The following PLPP4 variants were observed in gnomAD, a reference collection of about 807,000 sequenced individuals.
The protein encoded by PLPP4 is phospholipid phosphatase 4.
PLPP4 carries 20 observed loss-of-function variants against 32.2 expected under a neutral mutation model. The ratio of observed to expected loss-of-function variants is 0.62; its 90% confidence interval spans 0.44 to 0.90. The LOEUF (loss-of-function observed/expected upper bound fraction) is 0.90, where lower values mean the gene tolerates loss of function less well. PLPP4 is among the 40% of genes least tolerant of loss of function. The pLI, the probability that PLPP4 is intolerant of heterozygous loss-of-function variation, is 0.00. For synonymous variants in PLPP4, 127 were observed against 133.0 expected (o/e 0.95, Z 0.31); for missense variants, 257 against 353.1 (o/e 0.73, Z 2.18).
chr10:120,463,234 G>C (rs185390756), intron 1 of PLPP4, among the ~76,000 whole-genome samples: 4 of 151,994 alleles, frequency 2.6e-5, no homozygotes, highest in Admixed American at 2.6e-4. Flanking sequence ...CACCATGTTA[G>C]CCAGGATGGT....
chr10:120,535,563 GA>G (rs1413496861), intron 5 of PLPP4, among the ~76,000 whole-genome samples: 1 of 151,978 alleles, frequency 6.6e-6, no homozygotes, highest in African/African-American at 2.4e-5. Context: ...CTTCAACTAT[GA>G]TTGTAGATTT....
chr10:120,476,216 C>A (rs1391513578), intron 1 of PLPP4, among the ~76,000 whole-genome samples: 1 of 152,218 alleles, frequency 6.6e-6, no homozygotes, highest in African/African-American at 2.4e-5. Flanking sequence ...GCTGTGCCCC[C>A]TGTGCAGGCC....
chr10:120,467,901 C>T lies in PLPP4; in HGVS notation c.56+10540C>T, dbSNP rs540302572. ...CTTTTCCTCCTCCCACCCACTCACC[C>T]GCTTCTAGTAGGCCTCAGTGTCTGT... On this transcript the variant is annotated intron_variant, in intron 1 of 6. Transcript: ENST00000398250. Among the ~76,000 whole-genome samples, 9 of 64,050 alleles carry T rather than the reference C, an allele frequency of 1.4e-4. 4 individuals are homozygous for T. The highest frequency in any genetic ancestry group is 3.0e-4 in the African/African-American group (9 of 30,048). 42.0% of individuals were successfully genotyped at this position (64,050 alleles called of 152,430 possible).
chr10:120,502,110 A>G (rs2133863207), intron 1 of PLPP4, among the ~76,000 whole-genome samples: 1 of 152,322 alleles, frequency 6.6e-6, no homozygotes, highest in East Asian at 1.9e-4. Flanking sequence ...ATTCTGTAAT[A>G]GAAGTGCTCC....
chr10:120,575,719 G>A (rs1417659024), intron 6 of PLPP4, among the ~76,000 whole-genome samples: 3 of 152,128 alleles, frequency 2.0e-5, no homozygotes, highest in East Asian at 3.9e-4. Flanking sequence ...ATGCTCTTCC[G>A]AAAGGTATAT....
Position 120,590,548 on chromosome 10 carries a change from T to C in PLPP4, c.*1046T>C, listed in dbSNP as rs1037266677. Among the ~76,000 whole-genome samples, 1 of 152,208 alleles carries C rather than the reference T, an allele frequency of 6.6e-6. No homozygotes were observed. Among genetic ancestry groups the C allele is most frequent in the Admixed American group, 6.5e-5 (1 of 15,280 alleles). On this transcript the variant is annotated 3_prime_UTR_variant, in exon 7 of 7. Transcript: ENST00000398250. ...AGGTACAAGAACAGAATCAGGAATG[T>C]GCTGTGTCTCTCGCTCAGCTCTTTG...
At chr10:120,498,520 G>T (rs1469380478) in intron 1 of PLPP4, among the ~76,000 whole-genome samples, 2 of 152,146 alleles carry the variant, frequency 1.3e-5, no homozygotes, top group African/African-American at 4.8e-5. Context: ...ACCTAATGAA[G>T]TTTTAGGAGT....
chr10:120,575,894 GTCCTTCTGCAGACAAAC>G (rs1231517609), intron 6 of PLPP4, among the ~76,000 whole-genome samples: 2 of 152,162 alleles, frequency 1.3e-5, no homozygotes, highest in East Asian at 3.9e-4. Context: ...ACCATGCCAT[GTCCTTCTGCAGACAAAC>G]TGCAGCTCAC....
intron 1 of PLPP4, among the ~76,000 whole-genome samples, chr10:120,478,295 G>A (rs1431104146): frequency 6.6e-6 from 1 of 152,190 alleles, no homozygotes; most frequent in Non-Finnish European, 1.5e-5. Flanking sequence ...AGTCTGGCCT[G>A]TTTCCCCAGG....
intron 1 of PLPP4, among the ~76,000 whole-genome samples, chr10:120,471,586 A>T (rs1308085405): frequency 6.6e-6 from 1 of 152,068 alleles, no homozygotes; most frequent in Admixed American, 6.5e-5. Flanking sequence ...AAGTCTGCAC[A>T]GGTTATCTTT....
intron 1 of PLPP4, among the ~76,000 whole-genome samples, chr10:120,479,144 T>C (rs1844080161): frequency 6.6e-6 from 1 of 152,098 alleles, no homozygotes; most frequent in Non-Finnish European, 1.5e-5. Context: ...GAGAATGGCG[T>C]GAACCCGGGA....
intron 1 of PLPP4, among the ~76,000 whole-genome samples, chr10:120,495,241 A>G (rs1191932179): frequency 1.3e-5 from 2 of 152,316 alleles, no homozygotes; most frequent in South Asian, 2.1e-4. Flanking sequence ...GATGTCTGCA[A>G]TATCATAACT....
At chr10:120,520,623 G>A (rs1342602783) in intron 4 of PLPP4, among the ~76,000 whole-genome samples, 1 of 152,154 alleles carries the variant, frequency 6.6e-6, no homozygotes, top group Non-Finnish European at 1.5e-5. Context: ...CTGCTTAGGT[G>A]CCTCCTGTAA....
chr10:120,503,546 T>G (rs749493323), intron 1 of PLPP4: 2 of 1,601,988 alleles, frequency 1.2e-6, no homozygotes, highest in Non-Finnish European at 1.7e-6. Flanking sequence ...CCCCAAGTCC[T>G]TGGAGTCTTT....
intron 6 of PLPP4, among the ~76,000 whole-genome samples, chr10:120,583,573 C>T (rs1336193854): frequency 6.6e-6 from 1 of 152,176 alleles, no homozygotes; most frequent in African/African-American, 2.4e-5. Flanking sequence ...CCAAAGAAAC[C>T]CTTATCTCTC....
intron 6 of PLPP4, among the ~76,000 whole-genome samples, chr10:120,582,348 C>T (rs1001224497): frequency 6.6e-6 from 1 of 152,180 alleles, no homozygotes; most frequent in African/African-American, 2.4e-5. Context: ...GTCTCTGCCT[C>T]TCTCTTCCCA....
intron 5 of PLPP4, among the ~76,000 whole-genome samples, chr10:120,560,994 G>A (rs1007669667): frequency 1.3e-5 from 2 of 152,152 alleles, no homozygotes; most frequent in Non-Finnish European, 2.9e-5. Flanking sequence ...AACTGTATAT[G>A]TAATCAAAAC....
At chr10:120,459,770 C>T (rs181195536) in intron 1 of PLPP4, among the ~76,000 whole-genome samples, 167 of 152,248 alleles carry the variant, frequency 1.1e-3, no homozygotes, top group African/African-American at 3.7e-3. Context: ...CTTATGCCCC[C>T]GGAGAAACAT....
intron 5 of PLPP4, among the ~76,000 whole-genome samples, chr10:120,534,872 G>A (rs1046777302): frequency 1.2e-4 from 19 of 152,004 alleles, no homozygotes; most frequent in South Asian, 2.1e-4. Context: ...TTCCTGAGGC[G>A]TGCTTTCCTT....
Sources: allele counts gnomAD v4.1 joint callset (sites outside exome capture counted in the v4.1 genomes callset), GRCh38; gene constraint gnomAD v4.1.1; transcripts MANE v1.5; gene names NCBI Gene and HGNC (gene_info 2026-07-23, HGNC 2026-07-21).